ZNF782: variants seen among roughly 807,000 people sequenced by gnomAD.
ZNF782 encodes zinc finger protein 782.
A neutral mutation model predicts 13.0 loss-of-function variants in ZNF782; 12 were observed. The observed-to-expected ratio is 0.92, with a 90% CI of 0.59 to 1.50. The LOEUF (loss-of-function observed/expected upper bound fraction) is 1.50. Ranked by LOEUF, ZNF782 falls within the 40% of genes most tolerant of loss-of-function variation. The pLI is 0.00. For synonymous variants in ZNF782, 284 were observed against 283.0 expected, an observed-to-expected ratio of 1.00 and a Z score of -0.04; for missense variants, 770 against 822.9, an observed-to-expected ratio of 0.94 and a Z score of 0.79.
chr9:96,879,969 C>G (rs1041681780), upstream of ZNF782, among the ~76,000 whole-genome samples: 1 of 151,768 alleles, frequency 6.6e-6, no homozygotes. Context: ...AATTTGTATG[C>G]CTTTTCTTTT....
the ZNF782 span, chr9:96,931,845 T>G: frequency 3.7e-6 from 6 of 1,612,362 alleles, no homozygotes; most frequent in Non-Finnish European, 5.1e-6. Context: ...GTGACTGCAG[T>G]GGTTCCTCCA....
chr9:96,823,697 T>C (rs1396271565), intron 5 of ZNF782, among the ~76,000 whole-genome samples: 1 of 152,246 alleles, frequency 6.6e-6, no homozygotes, highest in Non-Finnish European at 1.5e-5. Context: ...TTCATAACCG[T>C]ATTTTGAACT....
chr9:96,917,654 A>C, the ZNF782 span, among the ~76,000 whole-genome samples: 1 of 150,660 alleles, frequency 6.6e-6, no homozygotes, highest in Non-Finnish European at 1.5e-5. Context: ...CTGGTCTCAA[A>C]CTCCTGACCT....
At chr9:96,914,086 C>T in the ZNF782 span, among the ~76,000 whole-genome samples, 12,610 of 141,810 alleles carry the variant, frequency 0.089, 364 homozygotes, top group East Asian at 0.47. Flanking sequence ...AAATAAAATA[C>T]ATATTGCATT....
intron 4 of ZNF782, among the ~76,000 whole-genome samples, chr9:96,840,026 T>C (rs1191497048): frequency 6.6e-6 from 1 of 152,210 alleles, no homozygotes; most frequent in Non-Finnish European, 1.5e-5. Flanking sequence ...TGCTGAGTAC[T>C]GTATATGTTG....
At chr9:96,914,059 T>C in the ZNF782 span, among the ~76,000 whole-genome samples, 1 of 151,748 alleles carries the variant, frequency 6.6e-6, no homozygotes, top group Non-Finnish European at 1.5e-5. Flanking sequence ...AAGCTGGTGA[T>C]TAGGGGACGA....
the ZNF782 span, chr9:96,895,342 G>A: frequency 2.0e-5 from 3 of 152,180 alleles, no homozygotes; most frequent in African/African-American, 7.2e-5. Context: ...AAATAAAAGA[G>A]ATGGAAAGCC....
At chr9:96,828,861 C>T (rs1850711195) in intron 4 of ZNF782, among the ~76,000 whole-genome samples, 1 of 151,790 alleles carries the variant, frequency 6.6e-6, no homozygotes, top group South Asian at 2.1e-4. Flanking sequence ...AACATAAAAT[C>T]ACACCAATGT....
intron 4 of ZNF782, among the ~76,000 whole-genome samples, chr9:96,835,679 C>G (rs1040418622): frequency 6.6e-6 from 1 of 152,144 alleles, no homozygotes; most frequent in Non-Finnish European, 1.5e-5. Flanking sequence ...GAGCAGTAAG[C>G]CTTGGGGTCC....
chr9:96,892,696 C>A, the ZNF782 span: 1 of 151,962 alleles, frequency 6.6e-6, no homozygotes, highest in African/African-American at 2.4e-5. Context: ...AATCTGTTAT[C>A]TTATGAGAAT....
the ZNF782 span, among the ~76,000 whole-genome samples, chr9:96,925,824 T>C: frequency 6.7e-6 from 1 of 149,312 alleles, no homozygotes; most frequent in South Asian, 2.1e-4. Flanking sequence ...CTGACAGCTC[T>C]GCCAGACACA....
intron 5 of ZNF782, among the ~76,000 whole-genome samples, chr9:96,823,913 T>C (rs1256617917): frequency 6.6e-6 from 1 of 152,118 alleles, no homozygotes; most frequent in Non-Finnish European, 1.5e-5. Context: ...CAATAATCAA[T>C]AGCTTACCAA....
At chr9:96,902,629 TC>T in the ZNF782 span, among the ~76,000 whole-genome samples, 18 of 136,174 alleles carry the variant, frequency 1.3e-4, no homozygotes, top group South Asian at 2.4e-4. Flanking sequence ...ATAACTTTTT[TC>T]TTTTGGAAAT....
chr9:96,896,743 A>G, the ZNF782 span, among the ~76,000 whole-genome samples: 1 of 152,226 alleles, frequency 6.6e-6, no homozygotes, highest in African/African-American at 2.4e-5. Context: ...CAACAGGTCC[A>G]GGCTGCTGTG....
At position 96,816,450 on chromosome 9, in the gene ZNF782, A is replaced by G. The variant is rs1563988369; in HGVS notation, c.*1473T>C. 6.6e-6 allele frequency: 1 copy of G among 152,190 alleles called. No homozygotes were observed. Among genetic ancestry groups the G allele is most frequent in the African/African-American group, 2.4e-5 (1 of 41,442 alleles). The allele number at this position is 152,190 out of a possible 1,614,324, so 9.4% of individuals were successfully genotyped here. On this transcript the variant is annotated 3_prime_UTR_variant, in exon 6 of 6. Transcript: ENST00000481138. ...ATAAACAATCAATAACTCACAAAAC[A>G]TTCACATATTTGCAACACTGCTTTT... is the stretch of plus-strand genomic sequence containing the variant.
chr9:96,903,369 G>C, the ZNF782 span, among the ~76,000 whole-genome samples: 1 of 151,690 alleles, frequency 6.6e-6, no homozygotes, highest in Non-Finnish European at 1.5e-5. Context: ...TCAAGTTGCT[G>C]GGTCCCTTTT....
the ZNF782 span, chr9:96,894,275 T>C: frequency 1.3e-4 from 20 of 152,034 alleles, 1 homozygote; most frequent in African/African-American, 4.1e-4. Context: ...CACACCAACA[T>C]GGCACATGTA....
At chr9:96,821,012 T>C (rs973837754) in intron 5 of ZNF782, among the ~76,000 whole-genome samples, 5 of 152,254 alleles carry the variant, frequency 3.3e-5, no homozygotes, top group Non-Finnish European at 7.3e-5. Flanking sequence ...TTACGGATCA[T>C]ATATTTTAAC....
the ZNF782 span, chr9:96,889,830 T>C: frequency 6.6e-6 from 1 of 152,250 alleles, no homozygotes; most frequent in Non-Finnish European, 1.5e-5. Context: ...ATACGTATAT[T>C]TAATCTCAAC....
Sources: allele counts gnomAD v4.1 joint callset (sites outside exome capture counted in the v4.1 genomes callset), GRCh38; gene constraint gnomAD v4.1.1; transcripts MANE v1.5; gene names NCBI Gene and HGNC (gene_info 2026-07-23, HGNC 2026-07-21).